Variants in FARP2 observed in about 807,000 individuals in gnomAD.
The protein encoded by FARP2 is FERM, ARHGEF and pleckstrin domain-containing protein 2.
A neutral mutation model predicts 130.5 loss-of-function variants in FARP2; 111 were observed. The ratio of observed to expected loss-of-function variants is 0.85; its 90% CI spans 0.73 to 1.00. FARP2 has a LOEUF of 1.00. FARP2 is among the 50% of genes least tolerant of loss of function. FARP2 has a pLI of 0.00. For missense variants in FARP2, 1,385 were observed against 1,346.3 expected (o/e 1.03, Z -0.45); for synonymous variants, 504 against 516.9 (o/e 0.98, Z 0.34).
Position 241,475,825 on chromosome 2 carries a change from G to A in FARP2, c.2132-32G>A. 2 of 1,582,834 alleles carry A rather than the reference G, an allele frequency of 1.3e-6. No individual in the cohort carries two copies. The highest frequency in any genetic ancestry group is 2.3e-5 in the East Asian group (1 of 43,786). On this transcript the variant is annotated intron_variant, in intron 18 of 26. Transcript: ENST00000264042. The surrounding 1 kb of genome is among the most constrained non-coding windows in gnomAD (Gnocchi z 4.4). ...GAGGGTGCTGTGCACACCACTGCCT[G>A]TACACCTGTACTGAGGGGTCTCTCC...
intron 18 of FARP2, among the ~76,000 whole-genome samples, chr2:241,472,798 C>T (rs1475800495): frequency 1.3e-5 from 2 of 149,428 alleles, no homozygotes; most frequent in African/African-American, 4.9e-5. Flanking sequence ...GGACTCAGTT[C>T]TGAGGGCACC....
At chr2:241,372,241 G>A (rs929212972) in intron 1 of FARP2, among the ~76,000 whole-genome samples, 3 of 152,054 alleles carry the variant, frequency 2.0e-5, no homozygotes, top group African/African-American at 7.2e-5. Context: ...GGATAGTGAT[G>A]AGGGGGTTAT....
intron 8 of FARP2, among the ~76,000 whole-genome samples, chr2:241,426,783 A>G (rs1019263770): frequency 6.6e-6 from 1 of 152,232 alleles, no homozygotes; most frequent in African/African-American, 2.4e-5. Flanking sequence ...CTAACTGTGC[A>G]GGTTTAAAAG....
chr2:241,477,174 G>GGCTGGGGT (rs1478114627), intron 19 of FARP2, among the ~76,000 whole-genome samples: 10 of 140,354 alleles, frequency 7.1e-5, no homozygotes, highest in Non-Finnish European at 1.4e-4. Flanking sequence ...TCTGTCACCA[G>GGCTGGGGT]GCTGGGGTGC....
intron 7 of FARP2, among the ~76,000 whole-genome samples, chr2:241,416,814 C>T (rs1032847944): frequency 6.6e-5 from 10 of 152,048 alleles, no homozygotes; most frequent in Non-Finnish European, 1.3e-4. Context: ...GAGACTGAGG[C>T]GAAAGGATCG....
intron 6 of FARP2, among the ~76,000 whole-genome samples, chr2:241,412,180 G>A (rs1406809142): frequency 2.6e-5 from 4 of 152,158 alleles, no homozygotes; most frequent in Admixed American, 6.5e-5. Flanking sequence ...GAGATGTGGC[G>A]GCAGCGAGAG....
intron 13 of FARP2, among the ~76,000 whole-genome samples, chr2:241,447,926 T>A (rs1252351600): frequency 6.6e-6 from 1 of 152,046 alleles, no homozygotes; most frequent in Non-Finnish European, 1.5e-5. Flanking sequence ...TGGTGGTGCC[T>A]CCCCGGGGCT....
At chr2:241,434,921 AC>A (rs774250063) in intron 10 of FARP2, 40 bp from the exon 11 acceptor site, 5 of 1,171,456 alleles carry the variant, frequency 4.3e-6, no homozygotes, top group Non-Finnish European at 6.3e-6. Flanking sequence ...ATTAATGCTG[AC>A]TTACTGTTCT....
At chr2:241,381,213 C>A (rs2150313298) in intron 2 of FARP2, among the ~76,000 whole-genome samples, 1 of 152,222 alleles carries the variant, frequency 6.6e-6, no homozygotes, top group African/African-American at 2.4e-5. Context: ...TAGTGCCGCT[C>A]CTGGCCTGTT....
intron 8 of FARP2, among the ~76,000 whole-genome samples, chr2:241,421,186 C>T (rs2062797870): frequency 6.6e-6 from 1 of 152,066 alleles, no homozygotes; most frequent in African/African-American, 2.4e-5. Flanking sequence ...CAGGAGATCT[C>T]CTCATGAGCC....
chr2:241,463,085 G>A (rs2064068981), intron 15 of FARP2, among the ~76,000 whole-genome samples: 1 of 152,096 alleles, frequency 6.6e-6, no homozygotes, highest in South Asian at 2.1e-4. Context: ...CAGAACATTG[G>A]GTCCAAGTTT....
At chr2:241,436,653 C>A in intron 12 of FARP2, 115 bp downstream of exon 12, 1 of 876,184 alleles carries the variant, frequency 1.1e-6, no homozygotes, top group Non-Finnish European at 1.9e-6. Flanking sequence ...TTTAATGCAG[C>A]AATTGTAATC....
In FARP2 at chr2:241,407,547, T is replaced by C. The variant is rs944488838; in HGVS notation, c.342T>C (p.Asn114=). The C allele has an allele frequency of 3.1e-6, 5 of 1,613,922 alleles. No individual in the cohort carries two copies. The African/African-American group carries it at 5.3e-5, about 17-fold the overall frequency. Reference sequence around the variant, plus strand: ...ATTTTTTTGTTATAGGGCCAAAGAATGTGGTGCTTCGCCTAGCTGTAAAAT... The same window carrying C: ...ATTTTTTTGTTATAGGGCCAAAGAACGTGGTGCTTCGCCTAGCTGTAAAAT... ...PIIRQIRRPK[N]VVLRLAVKFF... The change falls in exon 5 of 27, where the codon AAT becomes AAC. Residue 114 remains asparagine (N), a synonymous_variant. Transcript: ENST00000264042.
intron 4 of FARP2, among the ~76,000 whole-genome samples, chr2:241,406,042 G>A (rs1225047386): frequency 2.6e-5 from 4 of 151,826 alleles, no homozygotes; most frequent in East Asian, 1.9e-4. Context: ...GGTGGCTCAC[G>A]CCTGTAATCC....
At chr2:241,442,088 A>C (rs1418001194) in intron 13 of FARP2, 1 of 377,376 alleles carries the variant, frequency 2.6e-6, no homozygotes, top group Non-Finnish European at 5.3e-6. Flanking sequence ...TTTGAGGTGA[A>C]GGCGCAGGCC....
At chr2:241,401,856 C>T (rs1252484868) in intron 2 of FARP2, among the ~76,000 whole-genome samples, 1 of 151,808 alleles carries the variant, frequency 6.6e-6, no homozygotes, top group Non-Finnish European at 1.5e-5. Flanking sequence ...AATCTTGGCT[C>T]ACGGCTTACT....
chr2:241,469,285 C>T (rs778381392), intron 18 of FARP2, among the ~76,000 whole-genome samples: 1 of 152,114 alleles, frequency 6.6e-6, no homozygotes, highest in South Asian at 2.1e-4. Flanking sequence ...TAGGGTTTCA[C>T]CGTGTTGGCC....
chr2:241,491,881 G>A (rs558866219), intron 24 of FARP2, among the ~76,000 whole-genome samples: 2 of 152,254 alleles, frequency 1.3e-5, no homozygotes, highest in Admixed American at 6.5e-5. Flanking sequence ...GGTGTTTCAG[G>A]TCTGGTGTCT....
At chr2:241,456,047 G>T (rs890945377) in intron 13 of FARP2, among the ~76,000 whole-genome samples, 4 of 151,532 alleles carry the variant, frequency 2.6e-5, no homozygotes, top group Non-Finnish European at 4.4e-5. Context: ...AAATAGAAAA[G>T]GATTTTTTTA....
Sources: gnomAD v4.1 joint callset for allele counts (sites outside exome capture counted in the v4.1 genomes callset) on GRCh38, gnomAD v4.1.1 for gene constraint, Gnocchi (gnomAD v3.1) non-coding constraint, MANE v1.5 for transcripts, NCBI Gene and HGNC (gene_info 2026-07-23, HGNC 2026-07-21) for gene names.